FABP6: variants seen among roughly 807,000 people sequenced by gnomAD.
FABP6 encodes fatty acid binding protein 6.
In FABP6, 13 loss-of-function variants were observed where a neutral mutation model predicts 14.9. The ratio of observed to expected loss-of-function variants is 0.87; its 90% CI spans 0.57 to 1.39. The LOEUF (loss-of-function observed/expected upper bound fraction) is 1.39, where lower values mean the gene tolerates loss of function less well. FABP6 is among the 40% of genes most tolerant of loss of function. FABP6 has a pLI of 0.00. For missense variants in FABP6, 161 were observed against 167.2 expected (o/e 0.96, Z 0.20); for synonymous variants, 75 against 63.6 (o/e 1.18, Z -0.85).
intron 1 of FABP6, chr5:160,196,973 C>T (rs1759523048): frequency 6.6e-6 from 1 of 152,242 alleles, no homozygotes; most frequent in African/African-American, 2.4e-5. Flanking sequence ...CCTTATTAGG[C>T]TACCGTGACA....
chr5:160,194,506 A>C (rs148217830), intron 1 of FABP6, among the ~76,000 whole-genome samples: 2,605 of 152,202 alleles, frequency 0.017, 68 homozygotes, highest in African/African-American at 0.058. Flanking sequence ...GCACCATTGC[A>C]CTCCAGCCTG....
intron 1 of FABP6, 198 bp from the exon 2 acceptor site, chr5:160,231,900 T>G (rs1358646510): frequency 3.6e-5 from 20 of 553,978 alleles, no homozygotes; most frequent in Middle Eastern, 4.7e-4. Flanking sequence ...AGACTGAAGC[T>G]CAGAGAGATA....
chr5:160,191,270 A>C (rs1462717515), intron 1 of FABP6, among the ~76,000 whole-genome samples: 1 of 152,064 alleles, frequency 6.6e-6, no homozygotes, highest in Non-Finnish European at 1.5e-5. Context: ...GTTCGAGACC[A>C]GCCTGGCCAA....
rs560950190 is a variant in FABP6, at chr5:160,234,751, C to T, written c.244-69C>T. On this transcript the variant is annotated intron_variant, in intron 2 of 3. Coordinates refer to ENST00000402432, the MANE Select transcript of FABP6 (RefSeq NM_001445.3). The stretch of plus-strand genomic sequence containing the variant: ...CTTGGTAAATTCTTCTTACTGCCCG[C>T]GCCACCAGCCCCAGATAGTTGCCAA... The T allele has an allele frequency of 5.1e-4, 667 of 1,299,490 alleles. 1 individual carries two copies. Among genetic ancestry groups the T allele is most frequent in the African/African-American group, 3.0e-3 (204 of 67,504 alleles). The allele number at this position is 1,299,490 out of a possible 1,614,324, so 80.5% of individuals were successfully genotyped here. A position where few individuals can be genotyped will look rare whatever the true frequency, so the allele number is the denominator to read the frequency against.
At chr5:160,188,013 A>G (rs1394718157) in intron 1 of FABP6, among the ~76,000 whole-genome samples, 1 of 151,886 alleles carries the variant, frequency 6.6e-6, no homozygotes, top group East Asian at 1.9e-4. Context: ...CGGCCTCCCA[A>G]AGTGTTGAGA....
intron 1 of FABP6, among the ~76,000 whole-genome samples, chr5:160,190,320 C>T (rs1759368878): frequency 6.7e-6 from 1 of 150,306 alleles, no homozygotes. Flanking sequence ...GCAACCTCCA[C>T]CTCCCGGGTT....
chr5:160,203,800 C>T (rs1445626986), intron 2 of FABP6, among the ~76,000 whole-genome samples: 1 of 151,324 alleles, frequency 6.6e-6, no homozygotes, highest in Non-Finnish European at 1.5e-5. Context: ...CTTCCGGGTT[C>T]AAGCAATTCT....
At chr5:160,199,996 C>G (rs1275015045) in intron 2 of FABP6, among the ~76,000 whole-genome samples, 1 of 152,202 alleles carries the variant, frequency 6.6e-6, no homozygotes, top group East Asian at 1.9e-4. Context: ...CCACACAGGA[C>G]GTCCTGTGAT....
intron 2 of FABP6, among the ~76,000 whole-genome samples, chr5:160,206,176 G>A (rs956620338): frequency 6.6e-6 from 1 of 152,188 alleles, no homozygotes; most frequent in Non-Finnish European, 1.5e-5. Context: ...GCTCATGCCT[G>A]TAATCCCAAC....
chr5:160,238,375 G>T lies in FABP6; in HGVS notation c.334-231G>T, dbSNP rs140401700. Among the ~76,000 whole-genome samples the T allele has an allele frequency of 7.6e-3, 1,163 of 152,308 alleles. 13 individuals carry two copies. Among genetic ancestry groups the T allele is most frequent in the Non-Finnish European group, 7.7e-3 (523 of 68,030 alleles). On this transcript the variant is annotated intron_variant, in intron 3 of 3. Coordinates refer to ENST00000402432, the MANE Select transcript of FABP6 (RefSeq NM_001445.3). ...TGGGTGAATGGAGAGGAAAAGAGGT[G>T]CAGGGTTCCACACCCAGAGCCACAT...
chr5:160,219,893 C>G (rs1760095983), intron 3 of FABP6, among the ~76,000 whole-genome samples: 1 of 152,110 alleles, frequency 6.6e-6, no homozygotes, highest in African/African-American at 2.4e-5. Context: ...TTTGGGGGGT[C>G]AGGTCACAGG....
chr5:160,216,175 C>T (rs768979274), intron 3 of FABP6, among the ~76,000 whole-genome samples: 1 of 152,178 alleles, frequency 6.6e-6, no homozygotes, highest in Non-Finnish European at 1.5e-5. Flanking sequence ...TTGTCTTCTG[C>T]TGTGTATCTC....
At chr5:160,214,678 G>C (rs1357365099) in intron 3 of FABP6, among the ~76,000 whole-genome samples, 4 of 151,934 alleles carry the variant, frequency 2.6e-5, no homozygotes, top group Non-Finnish European at 5.9e-5. Context: ...AACTGGCCAG[G>C]TGCAGTGTCT....
At chr5:160,231,074 C>G (rs1220017389) in intron 1 of FABP6, among the ~76,000 whole-genome samples, 1 of 152,172 alleles carries the variant, frequency 6.6e-6, no homozygotes, top group Non-Finnish European at 1.5e-5. Context: ...GAGGACAGCT[C>G]AAGGGGACCC....
At chr5:160,236,695 G>T (rs1463860699) in intron 3 of FABP6, among the ~76,000 whole-genome samples, 1 of 151,918 alleles carries the variant, frequency 6.6e-6, no homozygotes, top group African/African-American at 2.4e-5. Context: ...AAATTATCTG[G>T]GTGTGGTGGC....
At chr5:160,204,138 CA>C (rs67908380) in intron 2 of FABP6, among the ~76,000 whole-genome samples, 36,984 of 118,906 alleles carry the variant, frequency 0.31, 4,637 homozygotes, top group East Asian at 0.42. Context: ...GACTCCATCT[CA>C]AAAAAAAAAA....
At chr5:160,231,928 C>A in intron 1 of FABP6, 170 bp from the exon 2 acceptor site, 1 of 659,522 alleles carries the variant, frequency 1.5e-6, no homozygotes, top group Non-Finnish European at 2.5e-6. Flanking sequence ...TCCCCAGCCA[C>A]ATGGCTCACA....
chr5:160,219,525 C>T (rs1375614985), intron 3 of FABP6, among the ~76,000 whole-genome samples: 1 of 152,016 alleles, frequency 6.6e-6, no homozygotes, highest in East Asian at 1.9e-4. Flanking sequence ...AAGAGGCGGG[C>T]ATGGGTGGAT....
At chr5:160,227,950 A>AG (rs1411912052), upstream of FABP6, among the ~76,000 whole-genome samples, 1 of 151,802 alleles carries the variant, frequency 6.6e-6, no homozygotes, top group African/African-American at 2.4e-5. Flanking sequence ...AATGTGGCAG[A>AG]GTTGGTTTTT....
Sources: gnomAD v4.1 joint callset for allele counts (sites outside exome capture counted in the v4.1 genomes callset) on GRCh38, gnomAD v4.1.1 for gene constraint, MANE v1.5 for transcripts, NCBI Gene and HGNC (gene_info 2026-07-23, HGNC 2026-07-21) for gene names.